CSNK1G1: variants seen among roughly 807,000 people sequenced by gnomAD.
CSNK1G1 encodes the protein casein kinase I isoform gamma-1.
CSNK1G1 carries 22 observed loss-of-function variants against 59.6 expected under a neutral mutation model. The ratio of observed to expected loss-of-function variants is 0.37; its 90% confidence interval spans 0.26 to 0.53. The LOEUF is 0.53. Among genes scored for constraint, CSNK1G1 ranks in the 20% least tolerant of loss-of-function variants. CSNK1G1 has a pLI of 0.89. For missense variants in CSNK1G1, 384 were observed against 519.5 expected (o/e 0.74, Z 2.54); for synonymous variants, 179 against 177.1 (o/e 1.01, Z -0.08).
intron 1 of CSNK1G1, among the ~76,000 whole-genome samples, chr15:64,347,680 T>A (rs1182106232): frequency 1.3e-5 from 2 of 150,524 alleles, no homozygotes. Context: ...AAAATTGTCC[T>A]GCAATAAAAA....
chr15:64,348,038 G>A (rs925790483), intron 1 of CSNK1G1, among the ~76,000 whole-genome samples: 4 of 149,944 alleles, frequency 2.7e-5, no homozygotes, highest in South Asian at 2.1e-4. Context: ...AACATTCAAC[G>A]CATATTGCTA....
intron 4 of CSNK1G1, among the ~76,000 whole-genome samples, chr15:64,248,286 T>C (rs902577794): frequency 6.6e-6 from 1 of 152,362 alleles, no homozygotes; most frequent in South Asian, 2.1e-4. Flanking sequence ...CAAGGACACA[T>C]GGTGAAATCT....
intron 10 of CSNK1G1, among the ~76,000 whole-genome samples, chr15:64,202,421 G>T (rs1289352695): frequency 1.3e-5 from 2 of 151,836 alleles, no homozygotes; most frequent in African/African-American, 4.8e-5. Context: ...TGGCGAGTAG[G>T]GCTACTCCAC....
At chr15:64,259,433 A>T (rs1596173974) in intron 2 of CSNK1G1, among the ~76,000 whole-genome samples, 192 bp from the exon 3 acceptor site, 1 of 151,268 alleles carries the variant, frequency 6.6e-6, no homozygotes, top group Admixed American at 6.6e-5. Context: ...AAAATTTAGA[A>T]ATTTAAGCTA....
intron 9 of CSNK1G1, among the ~76,000 whole-genome samples, chr15:64,203,684 T>C (rs1237571587): frequency 1.2e-5 from 1 of 80,488 alleles, no homozygotes; most frequent in South Asian, 3.4e-4. Flanking sequence ...GCAACAAGAG[T>C]GAAACTCCGT....
intron 1 of CSNK1G1, among the ~76,000 whole-genome samples, chr15:64,307,755 C>T (rs375838319): frequency 2.0e-5 from 3 of 152,126 alleles, no homozygotes; most frequent in Non-Finnish European, 4.4e-5. Context: ...GGTGCAATCT[C>T]GGCTCACTGC....
intron 4 of CSNK1G1, among the ~76,000 whole-genome samples, chr15:64,251,034 G>C (rs1405914761): frequency 6.6e-6 from 1 of 152,176 alleles, no homozygotes; most frequent in South Asian, 2.1e-4. Flanking sequence ...GAAGGTCATA[G>C]GTTATTACAA....
chr15:64,344,361 T>G (rs1897832554), intron 1 of CSNK1G1, among the ~76,000 whole-genome samples: 1 of 152,210 alleles, frequency 6.6e-6, no homozygotes, highest in Admixed American at 6.5e-5. Flanking sequence ...ATACACCACA[T>G]GAAAGCAGAA....
chr15:64,253,958 G>A (rs1167430817), intron 3 of CSNK1G1, among the ~76,000 whole-genome samples: 2 of 151,982 alleles, frequency 1.3e-5, no homozygotes, highest in Admixed American at 6.6e-5. Context: ...TGGACAACAC[G>A]GTGAAACCCC....
In CSNK1G1 at chr15:64,171,741, G is replaced by A. The variant is rs1237376607; in HGVS notation, c.*190C>T. On this transcript the variant is annotated 3_prime_UTR_variant, in exon 12 of 12. Transcript: ENST00000303052. This position sits in a 1 kb window ranked among gnomAD's most constrained non-coding sequence, Gnocchi z 4.8. ...GACCTGCTCAGAGCCTTAGGCAGGC[G>A]GAGATGGCCAATGACCCACTAGGCC... The A allele has an allele frequency of 2.4e-5, 15 of 617,740 alleles. No homozygotes were observed. Among genetic ancestry groups the A allele is most frequent in the South Asian group, 1.9e-4 (10 of 52,484 alleles). The allele number at this position is 617,740 out of a possible 1,614,324, so 38.3% of individuals were successfully genotyped here.
At chr15:64,234,130 C>T (rs1278208328) in intron 4 of CSNK1G1, among the ~76,000 whole-genome samples, 1 of 152,088 alleles carries the variant, frequency 6.6e-6, no homozygotes, top group Non-Finnish European at 1.5e-5. Flanking sequence ...CCAAATCAGG[C>T]ACACTTTTAT....
chr15:64,316,929 G>A (rs1405702521), intron 1 of CSNK1G1: 1 of 152,154 alleles, frequency 6.6e-6, no homozygotes, highest in Non-Finnish European at 1.5e-5. Context: ...AAAAGGGACA[G>A]GAATTGCTCA....
At position 64,189,103 on chromosome 15, in the gene CSNK1G1, G is replaced by A. The variant is rs546418779; in HGVS notation, c.1108-8649C>T. 9.2e-5 allele frequency among the ~76,000 whole-genome samples: 14 copies of A among 152,200 alleles called. No homozygotes were observed. The East Asian group carries it at 1.9e-3, about 21-fold the overall frequency. ...ATCGCGCCACTGCACTCCAGCCTGC[G>A]CGACAGAGCAAGACTCCATCTCGAA... On this transcript the variant is annotated intron_variant, in intron 10 of 11. Transcript: ENST00000303052.
intron 10 of CSNK1G1, among the ~76,000 whole-genome samples, chr15:64,187,941 A>C (rs1351308465): frequency 6.6e-6 from 1 of 152,250 alleles, no homozygotes; most frequent in East Asian, 1.9e-4. Context: ...CAGATGACTT[A>C]TACAAATTAA....
chr15:64,180,560 C>T lies in CSNK1G1; in HGVS notation c.1108-106G>A. 3 of 876,938 alleles carry T rather than the reference C, an allele frequency of 3.4e-6. No homozygotes were observed. In the Admixed American group the frequency reaches 5.8e-5, roughly 17 times the overall value. The allele number at this position is 876,938 out of a possible 1,614,324, so 54.3% of individuals were successfully genotyped here. On this transcript the variant is annotated intron_variant, in intron 10 of 11. Coordinates refer to ENST00000303052, the MANE Select transcript of CSNK1G1 (RefSeq NM_022048.5). ...AGGCAGTGTCTGGAATGTTTGTTTT[C>T]CTGGGTTAAGGGATCAATTTAGGGA...
At chr15:64,275,205 C>T (rs1004325333) in intron 2 of CSNK1G1, among the ~76,000 whole-genome samples, 1 of 152,244 alleles carries the variant, frequency 6.6e-6, no homozygotes, top group Admixed American at 6.5e-5. Context: ...CCACACCCAA[C>T]CAACTTTTGT....
In CSNK1G1 at chr15:64,176,240, T is replaced by C. The variant is rs1199857486; in HGVS notation, c.1214+4108A>G. On this transcript the variant is annotated intron_variant, in intron 11 of 11. Coordinates refer to ENST00000303052, the MANE Select transcript of CSNK1G1 (RefSeq NM_022048.5). This position sits in a 1 kb window ranked among gnomAD's most constrained non-coding sequence, Gnocchi z 5.2. Reference sequence around the variant, plus strand: ...CTAGTCTGGTCCACTCCCCTTGCAATGGACTGGAGAGAGGGACTCACCACA... The same window carrying C: ...CTAGTCTGGTCCACTCCCCTTGCAACGGACTGGAGAGAGGGACTCACCACA... 1 of 398,766 alleles carries C rather than the reference T, an allele frequency of 2.5e-6. No individual in the cohort carries two copies. Among genetic ancestry groups the C allele is most frequent in the Middle Eastern group, 6.3e-4 (1 of 1,588 alleles). The allele number at this position is 398,766 out of a possible 1,614,324, so 24.7% of individuals were successfully genotyped here.
intron 10 of CSNK1G1, chr15:64,194,169 A>T (rs1050135955): frequency 2.0e-5 from 3 of 152,256 alleles, no homozygotes; most frequent in African/African-American, 7.2e-5. Context: ...GGAGTGTGCA[A>T]TCTCTGTCTG....
chr15:64,295,575 T>C (rs1894976209), intron 2 of CSNK1G1, among the ~76,000 whole-genome samples: 2 of 152,170 alleles, frequency 1.3e-5, no homozygotes, highest in African/African-American at 2.4e-5. Context: ...ACCCATTACA[T>C]ACCACACACA....
Sources: allele counts gnomAD v4.1 joint callset (sites outside exome capture counted in the v4.1 genomes callset), GRCh38; gene constraint gnomAD v4.1.1; non-coding constraint Gnocchi (gnomAD v3.1); transcripts MANE v1.5; gene names NCBI Gene and HGNC (gene_info 2026-07-23, HGNC 2026-07-21).